The following DNAJC15 variants were observed in gnomAD, a reference collection of about 807,000 sequenced individuals.
DNAJC15 encodes dnaJ homolog subfamily C member 15.
DNAJC15 carries 27 observed loss-of-function variants against 22.4 expected under a neutral mutation model. That is an observed-to-expected ratio of 1.20 (90% CI 0.89 to 1.66). DNAJC15 has a LOEUF of 1.66. DNAJC15 is among the 40% of genes most tolerant of loss of function. The probability of loss-of-function intolerance (pLI) is 0.00; values close to 1 mark genes in which losing one functional copy is unlikely to be tolerated. For missense variants in DNAJC15, 208 were observed against 187.1 expected (o/e 1.11, Z -0.65); for synonymous variants, 79 against 63.2 (o/e 1.25, Z -1.19).
intron 3 of DNAJC15, among the ~76,000 whole-genome samples, chr13:43,071,579 T>C (rs1437249152): frequency 1.3e-5 from 2 of 152,232 alleles, no homozygotes; most frequent in African/African-American, 2.4e-5. Flanking sequence ...ATGTGCATAC[T>C]TTCTGTTGGT....
chr13:43,040,143 C>T (rs1022869665), intron 1 of DNAJC15, among the ~76,000 whole-genome samples: 5 of 152,164 alleles, frequency 3.3e-5, no homozygotes, highest in South Asian at 2.1e-4. Flanking sequence ...GAAGACTGAA[C>T]CTTTGAGAGC....
chr13:43,049,800 C>G (rs565292565), intron 1 of DNAJC15, among the ~76,000 whole-genome samples: 1 of 152,220 alleles, frequency 6.6e-6, no homozygotes, highest in South Asian at 2.1e-4. Context: ...AAATCTGTGT[C>G]TGAAAAGAAA....
intron 5 of DNAJC15, among the ~76,000 whole-genome samples, chr13:43,097,162 G>A (rs1464754976): frequency 6.6e-6 from 1 of 152,220 alleles, no homozygotes; most frequent in African/African-American, 2.4e-5. Context: ...GGCAGCTGGA[G>A]GGGAGGCGGA....
intron 1 of DNAJC15, among the ~76,000 whole-genome samples, chr13:43,048,576 T>C (rs926069229): frequency 7.9e-5 from 12 of 152,204 alleles, no homozygotes; most frequent in African/African-American, 2.4e-4. Context: ...CATCTTTTTT[T>C]CCCCCATGGT....
intron 1 of DNAJC15, among the ~76,000 whole-genome samples, chr13:43,036,264 C>G (rs1566200494): frequency 6.7e-6 from 1 of 150,370 alleles, no homozygotes; most frequent in Non-Finnish European, 1.5e-5. Context: ...CTTCCAGGCT[C>G]AAGCAGTCCT....
At chr13:43,062,235 T>C (rs2040562569) in intron 1 of DNAJC15, among the ~76,000 whole-genome samples, 1 of 151,988 alleles carries the variant, frequency 6.6e-6, no homozygotes, top group Non-Finnish European at 1.5e-5. Flanking sequence ...TCAGTGAGAG[T>C]TGTAGGCATG....
chr13:43,071,097 A>T (rs2040606666), intron 3 of DNAJC15, among the ~76,000 whole-genome samples: 1 of 152,238 alleles, frequency 6.6e-6, no homozygotes, highest in South Asian at 2.1e-4. Context: ...TGTAAATAGA[A>T]AATTACCAAG....
At chr13:43,084,850 C>G (rs954382414) in intron 4 of DNAJC15, among the ~76,000 whole-genome samples, 1 of 152,056 alleles carries the variant, frequency 6.6e-6, no homozygotes, top group Admixed American at 6.5e-5. Flanking sequence ...AGCTAAATAA[C>G]TATGAGACAT....
chr13:43,053,173 TTA>T (rs1233885579), intron 1 of DNAJC15, among the ~76,000 whole-genome samples: 1 of 152,144 alleles, frequency 6.6e-6, no homozygotes, highest in Admixed American at 6.5e-5. Flanking sequence ...TTTCCCCACT[TTA>T]TGTTTTTATT....
At chr13:43,100,805 G>A (rs2040765110) in intron 5 of DNAJC15, among the ~76,000 whole-genome samples, 1 of 152,144 alleles carries the variant, frequency 6.6e-6, no homozygotes, top group Non-Finnish European at 1.5e-5. Context: ...TAAGTCTTCT[G>A]TTTCCTTGTT....
At chr13:43,038,052 T>C (rs1378540699) in intron 1 of DNAJC15, among the ~76,000 whole-genome samples, 5 of 152,240 alleles carry the variant, frequency 3.3e-5, no homozygotes, top group African/African-American at 1.2e-4. Context: ...TCCCCCATTG[T>C]TGGGTAGTCA....
chr13:43,080,736 G>A (rs1233781859), intron 4 of DNAJC15, among the ~76,000 whole-genome samples: 1 of 152,204 alleles, frequency 6.6e-6, no homozygotes, highest in Non-Finnish European at 1.5e-5. Flanking sequence ...AGAATGATAT[G>A]ATGATACCTT....
intron 1 of DNAJC15, among the ~76,000 whole-genome samples, chr13:43,063,028 TGAGA>T (rs1304342290): frequency 6.8e-6 from 1 of 148,110 alleles, no homozygotes; most frequent in Non-Finnish European, 1.5e-5. Flanking sequence ...CTTTATTTTT[TGAGA>T]GAGTCTCTCA....
chr13:43,087,809 A>G (rs181477865), intron 5 of DNAJC15, among the ~76,000 whole-genome samples: 1 of 152,346 alleles, frequency 6.6e-6, no homozygotes, highest in East Asian at 1.9e-4. Context: ...GACACCAGAA[A>G]ATTAGGTGTG....
At chr13:43,055,362 C>T (rs1284438898) in intron 1 of DNAJC15, among the ~76,000 whole-genome samples, 1 of 152,172 alleles carries the variant, frequency 6.6e-6, no homozygotes, top group Non-Finnish European at 1.5e-5. Flanking sequence ...CACTAACTCC[C>T]TCCTCACTAG....
intron 1 of DNAJC15, among the ~76,000 whole-genome samples, chr13:43,044,236 G>A (rs1439459057): frequency 6.6e-6 from 1 of 152,158 alleles, no homozygotes; most frequent in Non-Finnish European, 1.5e-5. Flanking sequence ...AGCAGAAAGT[G>A]ATTTGCTTGT....
chr13:43,041,512 A>G (rs887951275), intron 1 of DNAJC15, among the ~76,000 whole-genome samples: 16 of 152,132 alleles, frequency 1.1e-4, no homozygotes, highest in Non-Finnish European at 1.8e-4. Context: ...TCCCCACACT[A>G]TAGATATTTA....
chr13:43,032,183 C>A (rs1174456340), intron 1 of DNAJC15, among the ~76,000 whole-genome samples: 1 of 152,202 alleles, frequency 6.6e-6, no homozygotes, highest in Non-Finnish European at 1.5e-5. Context: ...TTTTCACTGT[C>A]CAGTCTTTCA....
intron 5 of DNAJC15, among the ~76,000 whole-genome samples, chr13:43,100,205 CTTTTTTTTTT>C (rs368386623): frequency 3.6e-5 from 4 of 110,512 alleles, no homozygotes; most frequent in African/African-American, 6.8e-5. Context: ...TTATTGAAGT[CTTTTTTTTTT>C]TTTTTTTTTT....
Sources: gnomAD v4.1 joint callset for allele counts (sites outside exome capture counted in the v4.1 genomes callset) on GRCh38, gnomAD v4.1.1 for gene constraint, MANE v1.5 for transcripts, NCBI Gene and HGNC (gene_info 2026-07-23, HGNC 2026-07-21) for gene names.